Variants in SEZ6L observed in about 807,000 individuals in gnomAD.
SEZ6L encodes seizure related 6 homolog like.
SEZ6L carries 37 observed loss-of-function variants against 106.2 expected under a neutral mutation model. The observed-to-expected ratio is 0.35, with a 90% CI of 0.27 to 0.46. The LOEUF is 0.46. Among genes scored for constraint, SEZ6L ranks in the 20% least tolerant of loss-of-function variants. SEZ6L has a pLI of 1.00. For synonymous variants in SEZ6L, 541 were observed against 570.4 expected, an observed-to-expected ratio of 0.95 and a Z score of 0.73; for missense variants, 1,172 against 1,332.8, an observed-to-expected ratio of 0.88 and a Z score of 1.88.
intron 1 of SEZ6L, among the ~76,000 whole-genome samples, chr22:26,194,472 G>A (rs146007909): frequency 9.4e-4 from 143 of 152,276 alleles, no homozygotes; most frequent in Middle Eastern, 6.8e-3. Flanking sequence ...AAAGCCTGGC[G>A]CTACAGTCAC....
chr22:26,290,471 G>T (rs1306767792), intron 1 of SEZ6L, among the ~76,000 whole-genome samples: 6 of 152,232 alleles, frequency 3.9e-5, no homozygotes, highest in African/African-American at 1.4e-4. Context: ...GGCGGAGCTT[G>T]CAGTGAGCCG....
chr22:26,364,232 TG>T (rs1473808576), intron 12 of SEZ6L, among the ~76,000 whole-genome samples: 1 of 152,092 alleles, frequency 6.6e-6, no homozygotes, highest in African/African-American at 2.4e-5. Flanking sequence ...AGCAATTTGC[TG>T]GCTGTCCATT....
intron 1 of SEZ6L, among the ~76,000 whole-genome samples, chr22:26,267,223 A>G (rs557029212): frequency 1.3e-5 from 2 of 152,330 alleles, no homozygotes; most frequent in Admixed American, 6.5e-5. Context: ...CTCTAAGCTC[A>G]CACTTCTAGG....
At chr22:26,205,255 C>T (rs1941216228) in intron 1 of SEZ6L, among the ~76,000 whole-genome samples, 1 of 152,242 alleles carries the variant, frequency 6.6e-6, no homozygotes, top group African/African-American at 2.4e-5. Context: ...AAGGCCCTTT[C>T]AAGTCTGGTG....
At chr22:26,341,719 C>T (rs913061031) in intron 10 of SEZ6L, among the ~76,000 whole-genome samples, 2 of 152,132 alleles carry the variant, frequency 1.3e-5, no homozygotes, top group African/African-American at 4.8e-5. Flanking sequence ...ATCTGCCAAT[C>T]CTAGGAAATG....
intron 1 of SEZ6L, among the ~76,000 whole-genome samples, chr22:26,280,927 C>A (rs1370998647): frequency 6.6e-6 from 1 of 152,162 alleles, no homozygotes; most frequent in Non-Finnish European, 1.5e-5. Flanking sequence ...AATCTAATCT[C>A]TTAGCCATTT....
In SEZ6L at chr22:26,343,773, C is replaced by T. The variant is rs149379320; in HGVS notation, c.2212+3141C>T. ...TACACAGCTTGGCTAGTTTGGGTAACAAAAAAGAGAGAACAGTTCCTGATT... is the reference window on the plus strand; with the variant it reads ...TACACAGCTTGGCTAGTTTGGGTAATAAAAAAGAGAGAACAGTTCCTGATT... On this transcript the variant is annotated intron_variant, in intron 10 of 16. Transcript: ENST00000248933. Among the ~76,000 whole-genome samples, 386 of 152,054 alleles carry T rather than the reference C, an allele frequency of 2.5e-3. 2 individuals carry two copies. Among genetic ancestry groups the T allele is most frequent in the African/African-American group, 9.0e-3 (372 of 41,494 alleles).
chr22:26,292,325 G>T, intron 1 of SEZ6L, 81 bp from the exon 2 acceptor site: 1 of 1,173,424 alleles, frequency 8.5e-7, no homozygotes, highest in Non-Finnish European at 1.2e-6. Flanking sequence ...CCGCCCTTAG[G>T]AGGGCCACCC....
intron 1 of SEZ6L, among the ~76,000 whole-genome samples, chr22:26,285,678 T>C (rs902343922): frequency 2.0e-5 from 3 of 152,166 alleles, no homozygotes; most frequent in Non-Finnish European, 2.9e-5. Context: ...CTACAACGCA[T>C]AGAGCAGCTT....
chr22:26,264,357 C>A (rs527857941), intron 1 of SEZ6L, among the ~76,000 whole-genome samples: 49 of 152,316 alleles, frequency 3.2e-4, no homozygotes, highest in African/African-American at 8.2e-4. Context: ...AGCTGTGTGA[C>A]CTTTGGCAAA....
intron 12 of SEZ6L, among the ~76,000 whole-genome samples, chr22:26,354,964 G>A (rs1338588006): frequency 6.6e-6 from 1 of 152,254 alleles, no homozygotes; most frequent in Non-Finnish European, 1.5e-5. Context: ...GGGTGAGGCT[G>A]ATGGGAGATA....
At chr22:26,321,040 T>C (rs896454273) in intron 9 of SEZ6L, among the ~76,000 whole-genome samples, 3 of 152,162 alleles carry the variant, frequency 2.0e-5, no homozygotes, top group African/African-American at 7.2e-5. Context: ...GGAACAGTGT[T>C]CCAGCCAAAA....
At chr22:26,375,116 G>A (rs1261331521) in intron 14 of SEZ6L, among the ~76,000 whole-genome samples, 1 of 152,042 alleles carries the variant, frequency 6.6e-6, no homozygotes. Context: ...CACCAGCACC[G>A]TTCAACTCAA....
chr22:26,286,583 A>G (rs914803548), intron 1 of SEZ6L, among the ~76,000 whole-genome samples: 12 of 152,020 alleles, frequency 7.9e-5, no homozygotes, highest in Non-Finnish European at 1.5e-5. Context: ...CTTTTCACTG[A>G]ACATTATAGC....
At chr22:26,278,995 AGGAAGGAAGGAAG>A (rs1228248256) in intron 1 of SEZ6L, among the ~76,000 whole-genome samples, 1 of 117,332 alleles carries the variant, frequency 8.5e-6, no homozygotes, top group Non-Finnish European at 1.8e-5. Flanking sequence ...GGAGGAAGGA[AGGAAGGAAGGAAG>A]GGAAGGAAGG....
intron 1 of SEZ6L, among the ~76,000 whole-genome samples, chr22:26,222,261 C>CT (rs1250975716): frequency 6.6e-6 from 1 of 152,194 alleles, no homozygotes; most frequent in Non-Finnish European, 1.5e-5. Context: ...GAGTGCAGCA[C>CT]TTGGAGGGCC....
chr22:26,378,857 T>A (rs561966617), intron 16 of SEZ6L, among the ~76,000 whole-genome samples: 1 of 152,230 alleles, frequency 6.6e-6, no homozygotes, highest in South Asian at 2.1e-4. Flanking sequence ...CTAACCTTCC[T>A]TCACCTCCAC....
In SEZ6L at chr22:26,347,867, C is replaced by A; in HGVS notation, c.2361C>A (p.Cys787Ter). Residue 787 changes from cysteine to a stop codon, truncating the protein, a stop_gained, in exon 11 of 17, where the codon TGC becomes TGA. Transcript: ENST00000248933. LOFTEE classifies it high-confidence loss of function. The part of the protein sequence containing the change: ...YDIVGSDTLT[C>*]QWDLSWSSDP... The stretch of plus-strand genomic sequence containing the variant: ...TCGTGGGGAGTGACACCCTCACCTG[C>A]CAGTGGGACCTCAGCTGGAGCAGCG... 6.3e-7 allele frequency: 1 copy of A among 1,591,152 alleles called. No homozygotes were observed. The highest frequency in any genetic ancestry group is 8.5e-7 in the Non-Finnish European group (1 of 1,172,828).
At chr22:26,294,271 A>C (rs1211305306) in intron 2 of SEZ6L, 21 bp from the exon 3 acceptor site, 4 of 1,612,952 alleles carry the variant, frequency 2.5e-6, no homozygotes, top group Non-Finnish European at 3.4e-6. Context: ...TTGGTGTCCT[A>C]ATTAAAGTCC....
Sources: gnomAD v4.1 joint callset for allele counts (sites outside exome capture counted in the v4.1 genomes callset) on GRCh38, gnomAD v4.1.1 for gene constraint, MANE v1.5 for transcripts, NCBI Gene and HGNC (gene_info 2026-07-23, HGNC 2026-07-21) for gene names.